Variants in EXPH5 observed in about 807,000 individuals in gnomAD.
EXPH5 encodes the protein exophilin 5, also known as exophilin-5.
Under a neutral mutation model 41.1 loss-of-function variants are expected in EXPH5, and 42 were observed. That is an observed-to-expected ratio of 1.02 (90% CI 0.80 to 1.32). The LOEUF (loss-of-function observed/expected upper bound fraction) is 1.32, where lower values mean the gene tolerates loss of function less well. Ranked by LOEUF, EXPH5 falls within the 40% of genes most tolerant of loss-of-function variation. The pLI is 0.00. For missense variants in EXPH5, 2,298 were observed against 2,314.5 expected (o/e 0.99, Z 0.15); for synonymous variants, 798 against 833.5 (o/e 0.96, Z 0.73).
chr11:108,566,907 C>T (rs1591746582), intron 1 of EXPH5, among the ~76,000 whole-genome samples: 2 of 152,268 alleles, frequency 1.3e-5, no homozygotes, highest in East Asian at 1.9e-4. Flanking sequence ...CACACCACTG[C>T]GTTGTCACTC....
intron 1 of EXPH5, among the ~76,000 whole-genome samples, chr11:108,575,269 A>G (rs535882210): frequency 9.2e-5 from 14 of 152,250 alleles, no homozygotes; most frequent in Non-Finnish European, 1.9e-4. Flanking sequence ...GATAGAAAGG[A>G]TTCGTTAAAA....
chr11:108,579,045 AC>A (rs2136110833), intron 1 of EXPH5, among the ~76,000 whole-genome samples: 1 of 152,284 alleles, frequency 6.6e-6, no homozygotes, highest in South Asian at 2.1e-4. Context: ...ATTCTGTTGA[AC>A]TAAAAGTAGT....
chr11:108,537,913 T>C, intron 3 of EXPH5: 1 of 878,902 alleles, frequency 1.1e-6, no homozygotes, highest in South Asian at 5.2e-5. Context: ...ATCCCCCAAA[T>C]GTGAGAATCA....
chr11:108,592,700 A>G lies in EXPH5; in HGVS notation c.119+718T>C, dbSNP rs550289227. The stretch of plus-strand genomic sequence containing the variant: ...TTTAGTAACTAATCCCTCACCTACA[A>G]CAGTGTATAGTAAGGTCAAGGATGA... On this transcript the variant is annotated intron_variant, in intron 1 of 5. Transcript: ENST00000265843. Among the ~76,000 whole-genome samples the G allele has an allele frequency of 1.6e-3, 247 of 152,272 alleles. 1 individual carries two copies. Among genetic ancestry groups the G allele is most frequent in the African/African-American group, 5.8e-3 (242 of 41,554 alleles).
At position 108,514,618 on chromosome 11, in the gene EXPH5, T is replaced by C; in HGVS notation, c.889A>G (p.Met297Val). The change falls in exon 6 of 6, where the codon ATG becomes GTG. Residue 297 changes from methionine to valine, a missense_variant. Transcript: ENST00000265843. The stretch of plus-strand genomic sequence containing the variant: ...ACTCTGGGCTCCCTTGTCCTATACA[T>C]ATCATAAATTGTGCTTGTCCTAGGA... ...FSPRTSTIYDMYRTREPRVFK... is the reference protein window; with the variant it reads ...FSPRTSTIYDVYRTREPRVFK... 1 of 1,610,988 alleles carries C rather than the reference T, an allele frequency of 6.2e-7. No homozygotes were observed. The highest frequency in any genetic ancestry group is 8.5e-7 in the Non-Finnish European group (1 of 1,179,056).
rs115142852 is a variant in EXPH5, at chr11:108,512,756, C to T, written c.2751G>A (p.Ser917=). ...SRRSPSDKDP[S]LGEREEKDNA... is the part of the protein sequence containing the mutation. ...TGTCTTTTTCTTCTCTTTCTCCTAGCGATGGATCTTTGTCTGAAGGACTTC... is the reference window on the plus strand; with the variant it reads ...TGTCTTTTTCTTCTCTTTCTCCTAGTGATGGATCTTTGTCTGAAGGACTTC... The change falls in exon 6 of 6, where the codon TCG becomes TCA. Residue 917 remains serine, a synonymous_variant. Transcript: ENST00000265843. 138 of 1,613,692 alleles carry T rather than the reference C, an allele frequency of 8.6e-5. No homozygotes were observed. In the African/African-American group the frequency reaches 1.4e-3, roughly 17 times the overall value.
At chr11:108,516,270 C>T (rs997549663) in intron 5 of EXPH5, among the ~76,000 whole-genome samples, 6 of 152,140 alleles carry the variant, frequency 3.9e-5, no homozygotes, top group Admixed American at 1.3e-4. Flanking sequence ...GGCCCCCTTA[C>T]GATAACTGAA....
At position 108,512,265 on chromosome 11, in the gene EXPH5, C is replaced by G. The variant is rs749611389; in HGVS notation, c.3242G>C (p.Cys1081Ser). ...SPSSPESANECSKVLSDSALE... is the reference protein window; with the variant it reads ...SPSSPESANESSKVLSDSALE... ...GGCTGAGTCTGAAAGGACTTTGGAA[C>G]ATTCATTCGCTGACTCAGGAGAACT... is the stretch of plus-strand genomic sequence containing the variant. The change falls in exon 6 of 6, where the codon TGT becomes TCT. Residue 1081 changes from cysteine to serine, a missense_variant. Coordinates refer to ENST00000265843, the MANE Select transcript of EXPH5 (RefSeq NM_015065.3). 1 of 1,612,524 alleles carries G rather than the reference C, an allele frequency of 6.2e-7. No individual in the cohort carries two copies. Among genetic ancestry groups the G allele is most frequent in the Admixed American group, 1.7e-5 (1 of 59,686 alleles).
At chr11:108,531,314 C>T (rs10890855) in intron 3 of EXPH5, among the ~76,000 whole-genome samples, 1 of 151,992 alleles carries the variant, frequency 6.6e-6, no homozygotes. Context: ...ACATGAGGCC[C>T]GGCGCAGTGG....
chr11:108,531,829 C>T (rs529506397), intron 3 of EXPH5, among the ~76,000 whole-genome samples: 4 of 152,168 alleles, frequency 2.6e-5, no homozygotes, highest in Non-Finnish European at 4.4e-5. Context: ...TCCTTCCTAT[C>T]CACCTAATCA....
At chr11:108,585,471 C>T (rs1371974745) in intron 1 of EXPH5, among the ~76,000 whole-genome samples, 1 of 152,148 alleles carries the variant, frequency 6.6e-6, no homozygotes, top group Non-Finnish European at 1.5e-5. Context: ...CATGTGAGGA[C>T]ACAGAAAAGG....
chr11:108,509,545 C>A lies in EXPH5; in HGVS notation c.5962G>T (p.Glu1988Ter). The A allele has an allele frequency of 6.4e-7, 1 of 1,551,452 alleles. No homozygotes were observed. The highest frequency in any genetic ancestry group is 8.7e-7 in the Non-Finnish European group (1 of 1,155,812). Residue 1988 changes from glutamate to a stop codon, truncating the protein, a stop_gained, in exon 6 of 6, where the codon GAA (glutamate) becomes TAA (stop). Coordinates refer to ENST00000265843, the MANE Select transcript of EXPH5 (RefSeq NM_015065.3). LOFTEE classifies it high-confidence loss of function. ...YYLDENDKES[E>*]L Reference sequence around the variant, plus strand: ...ATTTTATTGAAAAAGCCTCACAGTTCTGACTCTTTGTCATTTTCATCCAGG... The same window carrying A: ...ATTTTATTGAAAAAGCCTCACAGTTATGACTCTTTGTCATTTTCATCCAGG...
intron 3 of EXPH5, among the ~76,000 whole-genome samples, chr11:108,531,351 G>T (rs1413009418): frequency 6.6e-6 from 1 of 152,200 alleles, no homozygotes; most frequent in Non-Finnish European, 1.5e-5. Context: ...CAGCTGAGGT[G>T]GGCAGATCAT....
intron 5 of EXPH5, among the ~76,000 whole-genome samples, chr11:108,515,118 G>A (rs929655540): frequency 1.3e-5 from 2 of 151,700 alleles, no homozygotes; most frequent in African/African-American, 4.8e-5. Context: ...TTCCATTAAC[G>A]CCGTAAGGAA....
At chr11:108,588,152 T>A (rs7925126) in intron 1 of EXPH5, among the ~76,000 whole-genome samples, 3,732 of 152,352 alleles carry the variant, frequency 0.024, 173 homozygotes, top group African/African-American at 0.085. Flanking sequence ...TTTAACAGTA[T>A]AAAGTCTTCC....
At chr11:108,528,853 C>A (rs1273427042) in intron 3 of EXPH5, among the ~76,000 whole-genome samples, 1 of 151,870 alleles carries the variant, frequency 6.6e-6, no homozygotes, top group Non-Finnish European at 1.5e-5. Context: ...CAGGCGCCTG[C>A]CACCATGCCT....
At chr11:108,571,101 A>G (rs1254935956) in intron 1 of EXPH5, among the ~76,000 whole-genome samples, 2 of 152,168 alleles carry the variant, frequency 1.3e-5, no homozygotes, top group Non-Finnish European at 2.9e-5. Context: ...GGAACTGGGA[A>G]TACAAAGAGC....
intron 4 of EXPH5, 40 bp from the exon 5 acceptor site, chr11:108,518,413 T>C (rs1349181060): frequency 7.5e-6 from 12 of 1,599,180 alleles, no homozygotes; most frequent in Non-Finnish European, 1.0e-5. Flanking sequence ...TTTCTGAGCC[T>C]TCACCAGTCA....
At position 108,514,617 on chromosome 11, in the gene EXPH5, A is replaced by G. The variant is rs758110828; in HGVS notation, c.890T>C (p.Met297Thr). 1.2e-6 allele frequency: 2 copies of G among 1,610,442 alleles called. No homozygotes were observed. The highest frequency in any genetic ancestry group is 1.7e-6 in the Non-Finnish European group (2 of 1,178,832). The change falls in exon 6 of 6, where the codon ATG becomes ACG. Residue 297 changes from methionine to threonine, a missense_variant. Met to Thr is a moderately conservative substitution (Grantham distance 81). Transcript: ENST00000265843. Reference protein sequence around the residue: ...FSPRTSTIYDMYRTREPRVFK... With the variant: ...FSPRTSTIYDTYRTREPRVFK... The stretch of plus-strand genomic sequence containing the variant: ...GACTCTGGGCTCCCTTGTCCTATAC[A>G]TATCATAAATTGTGCTTGTCCTAGG...
Sources: allele counts gnomAD v4.1 joint callset (sites outside exome capture counted in the v4.1 genomes callset), GRCh38; gene constraint gnomAD v4.1.1; transcripts MANE v1.5; gene names NCBI Gene and HGNC (gene_info 2026-07-23, HGNC 2026-07-21).